The following EYS variants were observed in gnomAD, a reference collection of about 807,000 sequenced individuals.
EYS encodes EGF-like photoreceptor maintenance factor.
A neutral mutation model predicts 282.1 loss-of-function variants in EYS; 250 were observed. That is an observed-to-expected ratio of 0.89 (90% confidence interval 0.80 to 0.98). EYS has a LOEUF of 0.98. EYS is among the 50% of genes least tolerant of loss of function. The pLI is 0.00. For missense variants in EYS, 4,016 were observed against 3,709.0 expected (o/e 1.08, Z -2.15); for synonymous variants, 1,355 against 1,282.9 (o/e 1.06, Z -1.20).
intron 2 of EYS, among the ~76,000 whole-genome samples, chr6:65,583,386 A>C (rs1764935170): frequency 6.6e-6 from 1 of 152,092 alleles, no homozygotes; most frequent in Admixed American, 6.6e-5. Context: ...TTCGTTAAGT[A>C]AGAATTACTT....
chr6:63,993,732 A>G (rs990409088), intron 34 of EYS, among the ~76,000 whole-genome samples: 6 of 151,924 alleles, frequency 3.9e-5, no homozygotes, highest in Admixed American at 3.9e-4. Context: ...ATCCAAAGTA[A>G]TCTACAGATT....
At chr6:65,569,751 C>A (rs1448277463) in intron 2 of EYS, among the ~76,000 whole-genome samples, 1 of 152,098 alleles carries the variant, frequency 6.6e-6, no homozygotes, top group Non-Finnish European at 1.5e-5. Flanking sequence ...TCCAACCCGA[C>A]CAATCAGCAA....
chr6:65,580,107 T>C (rs189285165), intron 2 of EYS, among the ~76,000 whole-genome samples: 6 of 152,150 alleles, frequency 3.9e-5, no homozygotes, highest in Non-Finnish European at 5.9e-5. Flanking sequence ...GCATCAGTAC[T>C]TTGTTAGGTT....
At chr6:64,913,591 T>C (rs1371284496) in intron 15 of EYS, among the ~76,000 whole-genome samples, 1 of 152,178 alleles carries the variant, frequency 6.6e-6, no homozygotes, top group Non-Finnish European at 1.5e-5. Flanking sequence ...CATGATTTAA[T>C]TCTTTTCATG....
At chr6:64,315,870 C>T (rs555950513) in intron 29 of EYS, among the ~76,000 whole-genome samples, 4 of 152,122 alleles carry the variant, frequency 2.6e-5, no homozygotes, top group Admixed American at 6.6e-5. Flanking sequence ...TTATCTACCA[C>T]GATCAAGTCG....
At chr6:65,099,890 A>C (rs1774845750) in intron 12 of EYS, among the ~76,000 whole-genome samples, 1 of 150,830 alleles carries the variant, frequency 6.6e-6, no homozygotes, top group South Asian at 2.1e-4. Flanking sequence ...CAAGAACAAA[A>C]CTGGAACAAA....
intron 31 of EYS, among the ~76,000 whole-genome samples, chr6:64,148,062 G>C (rs571414696): frequency 3.0e-4 from 45 of 152,106 alleles, no homozygotes; most frequent in Admixed American, 3.0e-3. Context: ...GTTGTTTCTT[G>C]CTTATGAATT....
intron 26 of EYS, among the ~76,000 whole-genome samples, chr6:64,546,002 A>C (rs1764849744): frequency 1.3e-5 from 2 of 152,204 alleles, no homozygotes; most frequent in Admixed American, 6.5e-5. Flanking sequence ...GACTTTCTTC[A>C]CAGAATTGGA....
intron 19 of EYS, among the ~76,000 whole-genome samples, chr6:64,858,505 A>G (rs184984008): frequency 9.5e-4 from 145 of 152,110 alleles, no homozygotes; most frequent in African/African-American, 3.2e-3. Context: ...TAATTGCTTT[A>G]TAATGTGCTT....
intron 41 of EYS, among the ~76,000 whole-genome samples, chr6:63,745,856 G>A (rs1769197801): frequency 6.6e-6 from 1 of 152,190 alleles, no homozygotes; most frequent in South Asian, 2.1e-4. Flanking sequence ...AGGTTGTGAT[G>A]TTGGAGTTGT....
rs1344677027 is a variant in EYS at position 63,742,108 on chromosome 6, T to A, written c.8072-15428A>T. On this transcript the variant is annotated intron_variant, in intron 41 of 42. Transcript: ENST00000503581. Reference sequence around the variant, plus strand: ...CTTTAACTCTTCACTTGTACATCTGTCCTGCAGTTCTTGACAAGGCTGATG... The same window carrying A: ...CTTTAACTCTTCACTTGTACATCTGACCTGCAGTTCTTGACAAGGCTGATG... The A allele has an allele frequency of 4.9e-6, 3 of 615,946 alleles. No individual in the cohort carries two copies. In the Admixed American group the frequency reaches 6.8e-5, roughly 14 times the overall value. The allele number at this position is 615,946 out of a possible 1,614,324, so 38.2% of individuals were successfully genotyped here.
At chr6:65,575,355 T>TAA (rs1263839216) in intron 2 of EYS, among the ~76,000 whole-genome samples, 1 of 148,886 alleles carries the variant, frequency 6.7e-6, no homozygotes, top group Middle Eastern at 3.2e-3. Flanking sequence ...AATAAATAAA[T>TAA]ATTGATTAAA....
intron 19 of EYS, among the ~76,000 whole-genome samples, chr6:64,832,693 G>A (rs961406396): frequency 6.6e-6 from 1 of 151,868 alleles, no homozygotes; most frequent in Non-Finnish European, 1.5e-5. Context: ...TGATTTTGGT[G>A]ACAGTATCAT....
Position 63,996,654 on chromosome 6 carries a change from G to C in EYS, c.6834+2421C>G, listed in dbSNP as rs897564890. On this transcript the variant is annotated intron_variant, in intron 34 of 42. Transcript: ENST00000503581. ...ATGGACTATCTAGCTAGAATGTCTG[G>C]GTTTGAATCCCCAAATAGCTGTGTG... 9.2e-5 allele frequency among the ~76,000 whole-genome samples: 14 copies of C among 152,112 alleles called. No individual in the cohort carries two copies. In the East Asian group the frequency reaches 2.7e-3, roughly 29 times the overall value.
chr6:63,747,095 C>T (rs1769228883), intron 41 of EYS, among the ~76,000 whole-genome samples: 1 of 152,204 alleles, frequency 6.6e-6, no homozygotes, highest in Admixed American at 6.5e-5. Context: ...CCTCTAAACA[C>T]TGCTTTAGCT....
At chr6:64,233,693 A>G (rs1363189702) in intron 30 of EYS, among the ~76,000 whole-genome samples, 1 of 152,218 alleles carries the variant, frequency 6.6e-6, no homozygotes, top group Non-Finnish European at 1.5e-5. Flanking sequence ...AGCCATTATT[A>G]TAACAAGAAA....
At chr6:64,596,618 A>T (rs1379423056) in intron 24 of EYS, among the ~76,000 whole-genome samples, 1 of 152,162 alleles carries the variant, frequency 6.6e-6, no homozygotes, top group East Asian at 1.9e-4. Flanking sequence ...AAAGAATGCT[A>T]TCTTCAATAA....
chr6:64,239,715 T>C (rs1766733285), intron 30 of EYS, among the ~76,000 whole-genome samples: 1 of 152,040 alleles, frequency 6.6e-6, no homozygotes, highest in Non-Finnish European at 1.5e-5. Context: ...GCCTGTTCAC[T>C]CTGATGAGAG....
At chr6:63,975,160 C>G (rs1766774079) in intron 35 of EYS, among the ~76,000 whole-genome samples, 1 of 151,494 alleles carries the variant, frequency 6.6e-6, no homozygotes, top group African/African-American at 2.4e-5. Flanking sequence ...CTGTTTTAAC[C>G]TAAGCTTGCA....
Sources: allele counts gnomAD v4.1 joint callset (sites outside exome capture counted in the v4.1 genomes callset), GRCh38; gene constraint gnomAD v4.1.1; transcripts MANE v1.5; gene names NCBI Gene and HGNC (gene_info 2026-07-23, HGNC 2026-07-21).